The following SLC4A10 variants were observed in gnomAD, a reference collection of about 807,000 sequenced individuals.
SLC4A10 encodes the protein sodium-driven chloride bicarbonate exchanger.
Under a neutral mutation model 137.7 loss-of-function variants are expected in SLC4A10, and 42 were observed. That is an observed-to-expected ratio of 0.30 (90% CI 0.24 to 0.39). The LOEUF (loss-of-function observed/expected upper bound fraction) is 0.39. SLC4A10 is among the 10% of genes least tolerant of loss of function. SLC4A10 has a pLI of 1.00. For missense variants in SLC4A10, 925 were observed against 1,355.0 expected, an observed-to-expected ratio of 0.68 and a Z score of 4.98; for synonymous variants, 474 against 464.1, an observed-to-expected ratio of 1.02 and a Z score of -0.27.
chr2:161,660,125 A>T (rs919280747), intron 1 of SLC4A10, among the ~76,000 whole-genome samples: 2 of 152,192 alleles, frequency 1.3e-5, no homozygotes, highest in African/African-American at 4.8e-5. Context: ...CATACTAAGG[A>T]CCATTGAATT....
At chr2:161,720,943 C>T (rs2045593013) in intron 1 of SLC4A10, among the ~76,000 whole-genome samples, 1 of 152,066 alleles carries the variant, frequency 6.6e-6, no homozygotes, top group Admixed American at 6.6e-5. Flanking sequence ...ATTCTCCTGC[C>T]TCAGCCTCCC....
At chr2:161,775,144 A>C (rs568278731) in intron 2 of SLC4A10, among the ~76,000 whole-genome samples, 1 of 151,918 alleles carries the variant, frequency 6.6e-6, no homozygotes, top group Non-Finnish European at 1.5e-5. Flanking sequence ...GCCACAACAG[A>C]AACTTGTCAC....
Position 161,869,541 on chromosome 2 carries a change from CT to C in SLC4A10, c.767-2747del, listed in dbSNP as rs1345437590. Among the ~76,000 whole-genome samples, 5 of 151,530 alleles carry C rather than the reference CT, an allele frequency of 3.3e-5. No individual in the cohort carries two copies. The East Asian group carries it at 9.6e-4, about 29-fold the overall frequency. ...TATATACAGCAAATAAAATGTTAAG[CT>C]TTTTAAAAGACTTCTATTTTTTCAA... On this transcript the variant is annotated intron_variant, in intron 6 of 26. Coordinates refer to ENST00000446997, the MANE Select transcript of SLC4A10 (RefSeq NM_001178015.2).
intron 1 of SLC4A10, among the ~76,000 whole-genome samples, chr2:161,756,612 G>A (rs1009708738): frequency 5.9e-5 from 9 of 152,060 alleles, no homozygotes; most frequent in African/African-American, 1.7e-4. Context: ...TAATCTCCTT[G>A]CCCACTGTAC....
chr2:161,950,478 G>T (rs758656667), intron 18 of SLC4A10, among the ~76,000 whole-genome samples: 12 of 151,570 alleles, frequency 7.9e-5, no homozygotes, highest in Admixed American at 1.3e-4. Context: ...GTCATCTTTA[G>T]AGTGTTGTGA....
At chr2:161,690,288 A>G (rs770786627) in intron 1 of SLC4A10, among the ~76,000 whole-genome samples, 7 of 152,152 alleles carry the variant, frequency 4.6e-5, no homozygotes, top group Non-Finnish European at 8.8e-5. Flanking sequence ...TAAAACGTCA[A>G]GAAACAACAG....
At chr2:161,794,099 T>C (rs1184871814) in intron 2 of SLC4A10, among the ~76,000 whole-genome samples, 3 of 152,170 alleles carry the variant, frequency 2.0e-5, no homozygotes, top group Admixed American at 6.5e-5. Flanking sequence ...CTCATGCTAC[T>C]GCACTAATTT....
At chr2:161,650,442 T>A (rs2036630523) in intron 1 of SLC4A10, among the ~76,000 whole-genome samples, 1 of 152,210 alleles carries the variant, frequency 6.6e-6, no homozygotes, top group African/African-American at 2.4e-5. Flanking sequence ...TGCTTGGTCA[T>A]GGAGCCAGCG....
At chr2:161,804,897 A>C (rs921300294) in intron 3 of SLC4A10, among the ~76,000 whole-genome samples, 1 of 152,178 alleles carries the variant, frequency 6.6e-6, no homozygotes, top group East Asian at 1.9e-4. Flanking sequence ...TTGAAAATCC[A>C]GGGCAAAATG....
At chr2:161,672,774 T>C (rs1313871384) in intron 1 of SLC4A10, among the ~76,000 whole-genome samples, 1 of 152,194 alleles carries the variant, frequency 6.6e-6, no homozygotes. Context: ...AATGCCAAAT[T>C]ATATCAAAGG....
chr2:161,799,516 T>C (rs556944663), intron 2 of SLC4A10, among the ~76,000 whole-genome samples: 1 of 152,058 alleles, frequency 6.6e-6, no homozygotes, highest in Admixed American at 6.6e-5. Flanking sequence ...GTTGGTAATA[T>C]AGAGAGAAAC....
chr2:161,721,502 G>A (rs965269333), intron 1 of SLC4A10, among the ~76,000 whole-genome samples: 3 of 152,162 alleles, frequency 2.0e-5, no homozygotes, highest in African/African-American at 7.2e-5. Flanking sequence ...TAAGACTGTT[G>A]AATATTGGCC....
intron 15 of SLC4A10, among the ~76,000 whole-genome samples, chr2:161,925,998 T>C (rs1426867121): frequency 6.6e-6 from 1 of 152,030 alleles, no homozygotes; most frequent in Non-Finnish European, 1.5e-5. Context: ...GGAATAGGTG[T>C]GGTGTGGTGC....
At chr2:161,977,435 A>G in intron 25 of SLC4A10, 1 of 489,646 alleles carries the variant, frequency 2.0e-6, no homozygotes, top group East Asian at 4.8e-5. Flanking sequence ...TGTGGATGGT[A>G]GTTTTAAGTG....
intron 1 of SLC4A10, among the ~76,000 whole-genome samples, chr2:161,627,783 A>G (rs553225865): frequency 1.5e-4 from 23 of 152,222 alleles, no homozygotes; most frequent in African/African-American, 5.5e-4. Context: ...ACTGACTGCT[A>G]TGTCTGAAGT....
intron 1 of SLC4A10, among the ~76,000 whole-genome samples, chr2:161,727,087 T>C (rs2046316714): frequency 6.6e-6 from 1 of 152,236 alleles, no homozygotes; most frequent in Non-Finnish European, 1.5e-5. Context: ...CAAATTTGCT[T>C]TGGACTATGT....
chr2:161,972,987 G>A (rs532466562), intron 23 of SLC4A10, among the ~76,000 whole-genome samples: 23 of 152,282 alleles, frequency 1.5e-4, no homozygotes, highest in African/African-American at 4.3e-4. Flanking sequence ...ATCTGAGAGC[G>A]GGCCAAGGTC....
In SLC4A10 at chr2:161,974,232, T is replaced by G; in HGVS notation, c.3160-17T>G. 1 of 1,588,666 alleles carries G rather than the reference T, an allele frequency of 6.3e-7. No individual in the cohort carries two copies. Among genetic ancestry groups the G allele is most frequent in the Non-Finnish European group, 8.6e-7 (1 of 1,166,732 alleles). The stretch of plus-strand genomic sequence containing the variant: ...CTCATCAGGTTCACTTTATATACTT[T>G]ACATTTGTCTTTTCAGGAAGAACAA... On this transcript the variant is annotated splice_polypyrimidine_tract_variant and intron_variant, in intron 23 of 26. Coordinates refer to ENST00000446997, the MANE Select transcript of SLC4A10 (RefSeq NM_001178015.2).
rs192668659 is a variant in SLC4A10, at chr2:161,698,961, T to A, written c.49-72012T>A. On this transcript the variant is annotated intron_variant, in intron 1 of 26. Coordinates refer to ENST00000446997, the MANE Select transcript of SLC4A10 (RefSeq NM_001178015.2). Reference sequence around the variant, plus strand: ...CCTGTACTTTTTTTGGTTGGTAGGCTATTAATTATTGCCTCAATTTCAGAG... The same window carrying A: ...CCTGTACTTTTTTTGGTTGGTAGGCAATTAATTATTGCCTCAATTTCAGAG... 1.7e-4 allele frequency among the ~76,000 whole-genome samples: 26 copies of A among 152,272 alleles called. No homozygotes were observed. In the East Asian group the frequency reaches 4.4e-3, roughly 26 times the overall value.
Sources: allele counts gnomAD v4.1 joint callset (sites outside exome capture counted in the v4.1 genomes callset), GRCh38; gene constraint gnomAD v4.1.1; transcripts MANE v1.5; gene names NCBI Gene and HGNC (gene_info 2026-07-23, HGNC 2026-07-21).